The following MICU2 variants were observed in gnomAD, a reference collection of about 807,000 sequenced individuals.
MICU2 encodes mitochondrial calcium uptake 2, also known as calcium uptake protein 2, mitochondrial.
A neutral mutation model predicts 60.4 loss-of-function variants in MICU2; 64 were observed. The observed-to-expected ratio is 1.06, with a 90% CI of 0.87 to 1.31. MICU2 has a LOEUF of 1.31. MICU2 is among the 50% of genes most tolerant of loss of function. MICU2 has a pLI of 0.00. For missense variants in MICU2, 569 were observed against 531.0 expected (o/e 1.07, Z -0.70); for synonymous variants, 201 against 175.0 (o/e 1.15, Z -1.17).
intron 2 of MICU2, among the ~76,000 whole-genome samples, chr13:21,547,602 T>C (rs552324836): frequency 2.2e-4 from 34 of 152,334 alleles, no homozygotes; most frequent in African/African-American, 8.2e-4. Context: ...AAGAAATGTA[T>C]GGATTATAAC....
chr13:21,539,699 TAAGA>T lies in MICU2; in HGVS notation c.359-15_359-12del. 2 of 1,613,142 alleles carry T rather than the reference TAAGA, an allele frequency of 1.2e-6. No individual in the cohort carries two copies. Among genetic ancestry groups the T allele is most frequent in the Non-Finnish European group, 1.7e-6 (2 of 1,179,184 alleles). The stretch of plus-strand genomic sequence containing the variant: ...TGACTGAAGTTTTACCTACAACAAA[TAAGA>T]AACATTATTTAGTATCCATATTCTT... On this transcript the variant is annotated splice_polypyrimidine_tract_variant and intron_variant, in intron 2 of 11. Transcript: ENST00000382374.
At chr13:21,537,450 TC>T (rs1196643094) in intron 4 of MICU2, among the ~76,000 whole-genome samples, 2 of 146,418 alleles carry the variant, frequency 1.4e-5, no homozygotes, top group Non-Finnish European at 3.0e-5. Context: ...ACCTACTATA[TC>T]CAACATTTTC....
chr13:21,576,087 G>A (rs1020312279), intron 1 of MICU2, among the ~76,000 whole-genome samples: 2 of 152,176 alleles, frequency 1.3e-5, no homozygotes, highest in African/African-American at 2.4e-5. Context: ...TTTAGCAAAT[G>A]TGTATGTTCC....
chr13:21,602,785 C>G (rs898263473), intron 1 of MICU2: 2 of 152,040 alleles, frequency 1.3e-5, no homozygotes, highest in African/African-American at 2.4e-5. Flanking sequence ...CTGAATGTTC[C>G]TTGAGTTTTT....
At position 21,531,918 on chromosome 13, in the gene MICU2, T is replaced by C. The variant is rs574401871; in HGVS notation, c.466+7384A>G. ...ACAAGTACCTATTTTTTCTCCCTTA[T>C]GGCACAGAGGCAGCAAAGCTGGTAA... On this transcript the variant is annotated intron_variant, in intron 4 of 11. Coordinates refer to ENST00000382374, the MANE Select transcript of MICU2 (RefSeq NM_152726.3). 8.3e-4 allele frequency among the ~76,000 whole-genome samples: 126 copies of C among 152,238 alleles called. 1 individual carries two copies. Among genetic ancestry groups the C allele is most frequent in the Non-Finnish European group, 1.1e-3 (73 of 68,038 alleles).
chr13:21,513,384 A>C (rs1258509965), intron 7 of MICU2, among the ~76,000 whole-genome samples: 2 of 152,040 alleles, frequency 1.3e-5, no homozygotes, highest in African/African-American at 4.8e-5. Context: ...TTTTTTGTAG[A>C]TGCTCTTTAC....
At chr13:21,531,205 T>A in intron 4 of MICU2, 6 of 969,042 alleles carry the variant, frequency 6.2e-6, no homozygotes, top group Non-Finnish European at 1.0e-5. Flanking sequence ...GCATTAGAGT[T>A]ATGTGAGATC....
chr13:21,520,282 G>A (rs1886684504), intron 6 of MICU2, among the ~76,000 whole-genome samples: 1 of 152,150 alleles, frequency 6.6e-6, no homozygotes, highest in Non-Finnish European at 1.5e-5. Context: ...CAGGTCTTGG[G>A]TGAATATGTT....
chr13:21,543,914 T>A (rs1037331184), intron 2 of MICU2, among the ~76,000 whole-genome samples: 2 of 152,080 alleles, frequency 1.3e-5, no homozygotes, highest in Admixed American at 1.3e-4. Flanking sequence ...CACTTCCAAA[T>A]ATACTACAAA....
At chr13:21,503,345 C>A in intron 8 of MICU2, among the ~76,000 whole-genome samples, 1 of 152,130 alleles carries the variant, frequency 6.6e-6, no homozygotes, top group Non-Finnish European at 1.5e-5. Context: ...TTATACCTGG[C>A]AACCTACATT....
intron 2 of MICU2, among the ~76,000 whole-genome samples, chr13:21,540,258 T>A (rs1296667612): frequency 1.3e-5 from 2 of 152,086 alleles, no homozygotes; most frequent in Non-Finnish European, 2.9e-5. Flanking sequence ...ACTGCCTACA[T>A]CATTTTCCTA....
chr13:21,499,112 C>T (rs574908218), intron 9 of MICU2, among the ~76,000 whole-genome samples: 20 of 151,226 alleles, frequency 1.3e-4, no homozygotes, highest in Admixed American at 9.9e-4. Flanking sequence ...CACCACGCCC[C>T]GCTAATTTTT....
At chr13:21,585,951 A>AATAT (rs1237276109) in intron 1 of MICU2, among the ~76,000 whole-genome samples, 2 of 152,196 alleles carry the variant, frequency 1.3e-5, no homozygotes, top group African/African-American at 4.8e-5. Flanking sequence ...TTTAATGCCC[A>AATAT]ATATATTACT....
intron 2 of MICU2, among the ~76,000 whole-genome samples, chr13:21,548,054 A>G (rs539823084): frequency 6.6e-6 from 1 of 152,356 alleles, no homozygotes; most frequent in Admixed American, 6.5e-5. Context: ...GTGAAAAAAT[A>G]GACAAATGTT....
In MICU2 at chr13:21,553,106, T is replaced by G. The variant is rs557141076; in HGVS notation, c.359-13418A>C. On this transcript the variant is annotated intron_variant, in intron 2 of 11. Coordinates refer to ENST00000382374, the MANE Select transcript of MICU2 (RefSeq NM_152726.3). Reference sequence around the variant, plus strand: ...TTGTTTGCATCCTCTTTTATTTCATTGAGCAGTGGTTTGTAGTTCTCCTTG... The same window carrying G: ...TTGTTTGCATCCTCTTTTATTTCATGGAGCAGTGGTTTGTAGTTCTCCTTG... 5.3e-5 allele frequency among the ~76,000 whole-genome samples: 8 copies of G among 152,324 alleles called. No homozygotes were observed. In the South Asian group the frequency reaches 1.2e-3, roughly 24 times the overall value.
At position 21,502,998 on chromosome 13, in the gene MICU2, T is replaced by G. The variant is rs778877794; in HGVS notation, c.861A>C (p.Leu287=). 1 of 1,611,246 alleles carries G rather than the reference T, an allele frequency of 6.2e-7. No individual in the cohort carries two copies. Among genetic ancestry groups the G allele is most frequent in the Admixed American group, 1.7e-5 (1 of 59,570 alleles). The change falls in exon 9 of 12, where the codon CTA becomes CTC. Residue 287 remains leucine (L), a synonymous_variant. Coordinates refer to ENST00000382374, the MANE Select transcript of MICU2 (RefSeq NM_152726.3). ...TATTTTCAGTGTTAGTGAAAAAAAG[T>G]AGCCACTCTGCAAAGTCTTCTTTTC... The part of the protein sequence containing the change: ...FMRKEDFAEW[L]LFFTNTENKD...
intron 2 of MICU2, among the ~76,000 whole-genome samples, chr13:21,539,992 T>A (rs1217582380): frequency 6.6e-6 from 1 of 152,196 alleles, no homozygotes; most frequent in Non-Finnish European, 1.5e-5. Context: ...ATATTATTAA[T>A]TCTTGTCAAA....
chr13:21,539,676 A>G lies in MICU2; in HGVS notation c.371T>C (p.Val124Ala). 6.2e-7 allele frequency: 1 copy of G among 1,614,146 alleles called. No homozygotes were observed. Among genetic ancestry groups the G allele is most frequent in the Non-Finnish European group, 8.5e-7 (1 of 1,180,012 alleles). Residue 124 changes from valine (V) to alanine (A), a missense_variant, in exon 3 of 12, where the codon GTC (valine) becomes GCC (alanine). Val to Ala is a moderately conservative substitution (Grantham distance 64). Transcript: ENST00000382374. Reference sequence around the variant, plus strand: ...GCTTACCTTTTTTGTCAGCTTCTTGACTGAAGTTTTACCTACAACAAATAA... The same window carrying G: ...GCTTACCTTTTTTGTCAGCTTCTTGGCTGAAGTTTTACCTACAACAAATAA... The part of the protein sequence containing the change: ...MFEQMERKTS[V>A]KKLTKKDIED...
intron 2 of MICU2, among the ~76,000 whole-genome samples, chr13:21,547,383 ATTC>A: frequency 6.6e-6 from 1 of 152,160 alleles, no homozygotes; most frequent in African/African-American, 2.4e-5. Context: ...AATTCTATCC[ATTC>A]TTCACATATC....
Sources: allele counts gnomAD v4.1 joint callset (sites outside exome capture counted in the v4.1 genomes callset), GRCh38; gene constraint gnomAD v4.1.1; transcripts MANE v1.5; gene names NCBI Gene and HGNC (gene_info 2026-07-23, HGNC 2026-07-21).